ARID4B: variants seen among roughly 807,000 people sequenced by gnomAD.
ARID4B encodes AT-rich interaction domain 4B.
ARID4B carries 26 observed loss-of-function variants against 147.5 expected under a neutral mutation model. That is an observed-to-expected ratio of 0.18 (90% CI 0.13 to 0.24). The LOEUF is 0.24. ARID4B is among the 10% of genes least tolerant of loss of function. The pLI, the probability that ARID4B is intolerant of heterozygous loss-of-function variation, is 1.00. For missense variants in ARID4B, 1,179 were observed against 1,511.5 expected (o/e 0.78, Z 3.65); for synonymous variants, 512 against 507.9 (o/e 1.01, Z -0.11).
chr1:235,289,371 T>G (rs1672181874), intron 2 of ARID4B, among the ~76,000 whole-genome samples: 1 of 152,086 alleles, frequency 6.6e-6, no homozygotes, highest in Admixed American at 6.6e-5. Flanking sequence ...ATAATTCACA[T>G]CACTAAAGAG....
intron 2 of ARID4B, among the ~76,000 whole-genome samples, chr1:235,273,287 G>A (rs967672351): frequency 2.6e-5 from 4 of 152,038 alleles, no homozygotes; most frequent in Non-Finnish European, 2.9e-5. Context: ...CAGATGATCC[G>A]CCAGCCTTGG....
At chr1:235,196,552 T>C (rs1049307739) in intron 17 of ARID4B, among the ~76,000 whole-genome samples, 6 of 152,078 alleles carry the variant, frequency 3.9e-5, no homozygotes, top group Admixed American at 3.9e-4. Flanking sequence ...CATTGTGTAA[T>C]AGAAAAGCAC....
intron 8 of ARID4B, among the ~76,000 whole-genome samples, chr1:235,238,153 A>AAAAAAAAAAGAAAAGAAAAG (rs61179792): frequency 0.062 from 8,669 of 140,110 alleles, 289 homozygotes; most frequent in Middle Eastern, 0.083. Context: ...CAAAAAAAAA[A>AAAAAAAAAAGAAAAGAAAAG]AAAAGAAAAG....
At chr1:235,185,562 A>T (rs1664616942) in intron 19 of ARID4B, among the ~76,000 whole-genome samples, 1 of 152,110 alleles carries the variant, frequency 6.6e-6, no homozygotes, top group Admixed American at 6.6e-5. Context: ...TGTTAACTGA[A>T]TCTCACATCT....
rs191748469 is a variant in ARID4B at position 235,221,454 on chromosome 1, A to G, written c.1163+111T>C. 5 of 606,380 alleles carry G rather than the reference A, an allele frequency of 8.2e-6. No individual in the cohort carries two copies. The East Asian group carries it at 1.1e-4, about 13-fold the overall frequency. The allele number at this position is 606,380 out of a possible 1,614,324, so 37.6% of individuals were successfully genotyped here. On this transcript the variant is annotated intron_variant, in intron 14 of 23. Transcript: ENST00000264183. ...ACTATCATAGAATGACTACTCTAGT[A>G]AAATGTTCTGATTTCTTTAAAGAAA...
In ARID4B at chr1:235,236,834, A is replaced by ATATATATATATATATATATATATATGTG. The variant is rs71172277; in HGVS notation, c.586-2343_586-2342insCACATATATATATATATATATATATATA. Among the ~76,000 whole-genome samples, 160 of 21,152 alleles carry ATATATATATATATATATATATATATGTG rather than the reference A, an allele frequency of 7.6e-3. 11 individuals carry two copies. Among genetic ancestry groups the ATATATATATATATATATATATATATGTG allele is most frequent in the South Asian group, 0.03 (7 of 232 alleles). The allele number at this position is 21,152 out of a possible 152,430, so 13.9% of individuals were successfully genotyped here. A position where few individuals can be genotyped will look rare whatever the true frequency, so the allele number is the denominator to read the frequency against. On this transcript the variant is annotated intron_variant, in intron 8 of 23. Transcript: ENST00000264183. ...GGCCCACAAAACGGTTTTATAAAAA[A>ATATATATATATATATATATATATATGTG]TATATATATATATATATATATATAT...
rs572413337 is a variant in ARID4B, at chr1:235,167,449, G to T, written c.*1076C>A. ...CATACAACATAAAGTCAATACAAGT[G>T]AAAACAATTTTGCATTCATTTTGGA... On this transcript the variant is annotated 3_prime_UTR_variant, in exon 24 of 24. Transcript: ENST00000264183. 5.9e-5 allele frequency: 13 copies of T among 222,192 alleles called. No homozygotes were observed. The highest frequency in any genetic ancestry group is 2.7e-4 in the African/African-American group (12 of 44,848). The allele number at this position is 222,192 out of a possible 1,614,324, so 13.8% of individuals were successfully genotyped here. A position where few individuals can be genotyped will look rare whatever the true frequency, so the allele number is the denominator to read the frequency against.
At position 235,193,747 on chromosome 1, in the gene ARID4B, G is replaced by A. The variant is rs368180040; in HGVS notation, c.2125+266C>T. Reference sequence around the variant, plus strand: ...TTGAGTGCTGACGTGATTCTGAAAGGTAACGCTCACTGGAGCATTTCAGAT... The same window carrying A: ...TTGAGTGCTGACGTGATTCTGAAAGATAACGCTCACTGGAGCATTTCAGAT... On this transcript the variant is annotated intron_variant, in intron 19 of 23. Transcript: ENST00000264183. 2.1e-4 allele frequency among the ~76,000 whole-genome samples: 32 copies of A among 152,174 alleles called. No homozygotes were observed. The South Asian group carries it at 6.6e-3, about 32-fold the overall frequency.
chr1:235,222,195 A>T (rs1334803191), intron 13 of ARID4B, among the ~76,000 whole-genome samples: 1 of 152,132 alleles, frequency 6.6e-6, no homozygotes, highest in Non-Finnish European at 1.5e-5. Flanking sequence ...TACAGGCATG[A>T]GTCACCATAA....
chr1:235,181,620 C>T lies in ARID4B; in HGVS notation c.3299G>A (p.Ser1100Asn). The change falls in exon 20 of 24, where the codon AGT becomes AAT. Residue 1100 changes from serine to asparagine, a missense_variant. Physicochemically the swap from Ser to Asn is conservative, Grantham distance 46 (BLOSUM62 1). Around this residue, in one of 10 missense-constraint regions of ARID4B, gnomAD observed 357 missense variants for 427.3 expected, o/e 0.84. Coordinates refer to ENST00000264183, the MANE Select transcript of ARID4B (RefSeq NM_016374.6). ...AGFDASVSSS[S>N]SNQPEPEHPE... ...ATGTTCTGGTTCTGGCTGATTACTA[C>T]TGCTTGAGCTCACACTGGCATCAAA... is the stretch of plus-strand genomic sequence containing the variant. 6.2e-7 allele frequency: 1 copy of T among 1,613,618 alleles called. No individual in the cohort carries two copies. Among genetic ancestry groups the T allele is most frequent in the Middle Eastern group, 1.6e-4 (1 of 6,062 alleles).
rs748878280 is a variant in ARID4B at position 235,220,471 on chromosome 1, A to G, written c.1238T>C (p.Val413Ala). The change falls in exon 15 of 24, where the codon GTT (valine) becomes GCT (alanine). Residue 413 changes from valine (V) to alanine (A), a missense_variant. Coordinates refer to ENST00000264183, the MANE Select transcript of ARID4B (RefSeq NM_016374.6). ...EFQMALPEKVVNKQCKECENV... is the reference protein window; with the variant it reads ...EFQMALPEKVANKQCKECENV... ...TTCACACTCCTTACATTGCTTGTTA[A>G]CAACTTTCTCTGGCAATGCCATCTG... 2.0e-5 allele frequency: 33 copies of G among 1,612,776 alleles called. No homozygotes were observed. Among genetic ancestry groups the G allele is most frequent in the Non-Finnish European group, 2.7e-5 (32 of 1,179,222 alleles).
chr1:235,202,381 T>C (rs1439820804), intron 17 of ARID4B, among the ~76,000 whole-genome samples: 1 of 151,740 alleles, frequency 6.6e-6, no homozygotes, highest in East Asian at 1.9e-4. Flanking sequence ...TCTAAAGTAC[T>C]AAGGAAAATA....
At chr1:235,223,553 TCTA>T (rs1215243310) in intron 12 of ARID4B, among the ~76,000 whole-genome samples, 1 of 150,806 alleles carries the variant, frequency 6.6e-6, no homozygotes, top group Non-Finnish European at 1.5e-5. Context: ...TTATTTTCAT[TCTA>T]CTTTCTTCCC....
chr1:235,226,038 A>C (rs1251667671), intron 11 of ARID4B, among the ~76,000 whole-genome samples: 1 of 152,190 alleles, frequency 6.6e-6, no homozygotes, highest in Non-Finnish European at 1.5e-5. Flanking sequence ...AAATGTTCCC[A>C]TGGTACAATA....
intron 16 of ARID4B, among the ~76,000 whole-genome samples, chr1:235,215,042 A>C (rs748264300): frequency 7.3e-5 from 11 of 151,700 alleles, no homozygotes; most frequent in Non-Finnish European, 1.6e-4. Flanking sequence ...ACAGGGTTTC[A>C]CCATGTTGGT....
At position 235,318,168 on chromosome 1, in the gene ARID4B, CTTTTTTTTTTTTTTT is replaced by C. The variant is rs372816686; in HGVS notation, c.6+8731_6+8745del. On this transcript the variant is annotated intron_variant, in intron 2 of 23. Coordinates refer to ENST00000264183, the MANE Select transcript of ARID4B (RefSeq NM_016374.6). ...AGCATAGTATTAACACTTGCTACTCCTTTTTTTTTTTTTTTTTTTTTTTTTTGAGACGGAGTCTTG... is the reference window on the plus strand; with the variant it reads ...AGCATAGTATTAACACTTGCTACTCCTTTTTTTTTTTGAGACGGAGTCTTG... Among the ~76,000 whole-genome samples the C allele has an allele frequency of 2.7e-5, 3 of 111,988 alleles. No individual in the cohort carries two copies. In the South Asian group the frequency reaches 8.1e-4, roughly 30 times the overall value. The allele number at this position is 111,988 out of a possible 152,430, so 73.5% of individuals were successfully genotyped here.
intron 2 of ARID4B, among the ~76,000 whole-genome samples, chr1:235,293,438 T>C (rs776234053): frequency 2.0e-5 from 3 of 152,202 alleles, no homozygotes; most frequent in Non-Finnish European, 4.4e-5. Context: ...ACTATTAACT[T>C]GTTACAGGTC....
intron 5 of ARID4B, among the ~76,000 whole-genome samples, chr1:235,255,218 G>C (rs1190622974): frequency 1.7e-5 from 1 of 58,350 alleles, no homozygotes; most frequent in Non-Finnish European, 4.3e-5. Context: ...CCTGCTGGGA[G>C]CTAGATAGAT....
In ARID4B at chr1:235,175,235, T is replaced by G; in HGVS notation, c.3613A>C (p.Lys1205Gln). The G allele has an allele frequency of 6.2e-7, 1 of 1,614,200 alleles. No individual in the cohort carries two copies. Among genetic ancestry groups the G allele is most frequent in the Non-Finnish European group, 8.5e-7 (1 of 1,180,044 alleles). ...TTGGGTAATCGATTACTGGGTTCCT[T>G]GAGATCAGGATCCTTATCACCATTC... is the stretch of plus-strand genomic sequence containing the variant. Reference protein sequence around the residue: ...GKNGDKDPDLKEPSNRLPKVY... With the variant: ...GKNGDKDPDLQEPSNRLPKVY... Residue 1205 changes from lysine (K) to glutamine (Q), a missense_variant, in exon 22 of 24, where the codon AAG becomes CAG. Transcript: ENST00000264183.
Sources: allele counts gnomAD v4.1 joint callset (sites outside exome capture counted in the v4.1 genomes callset), GRCh38; gene constraint gnomAD v4.1.1; regional missense constraint gnomAD v4.1.1; transcripts MANE v1.5; gene names NCBI Gene and HGNC (gene_info 2026-07-23, HGNC 2026-07-21).